The following TMEM38A variants were observed in gnomAD, a reference collection of about 807,000 sequenced individuals.
TMEM38A encodes transmembrane protein 38A.
In TMEM38A, 17 loss-of-function variants were observed where a neutral mutation model predicts 28.6. The observed-to-expected ratio is 0.60, with a 90% CI of 0.41 to 0.89. The LOEUF (loss-of-function observed/expected upper bound fraction) is 0.89, where lower values mean the gene tolerates loss of function less well. TMEM38A is among the 40% of genes least tolerant of loss of function. The pLI, the probability that TMEM38A is intolerant of heterozygous loss-of-function variation, is 0.00. For missense variants in TMEM38A, 328 were observed against 393.1 expected (o/e 0.83, Z 1.40); for synonymous variants, 169 against 166.1 (o/e 1.02, Z -0.14).
At chr19:16,677,094 A>G (rs2086755467) in intron 1 of TMEM38A, among the ~76,000 whole-genome samples, 1 of 144,798 alleles carries the variant, frequency 6.9e-6, no homozygotes, top group South Asian at 2.2e-4. Context: ...AAAAAAGCCC[A>G]GCTATAGGAC....
chr19:16,674,568 G>A (rs1599388132), intron 1 of TMEM38A, among the ~76,000 whole-genome samples: 1 of 152,000 alleles, frequency 6.6e-6, no homozygotes, highest in Non-Finnish European at 1.5e-5. Context: ...GGGAGGCTGA[G>A]GTGGGCAGAT....
chr19:16,679,892 C>T, intron 1 of TMEM38A, 92 bp from the exon 2 acceptor site: 1 of 1,394,866 alleles, frequency 7.2e-7, no homozygotes, highest in Non-Finnish European at 9.5e-7. Flanking sequence ...TGGGTGGGCG[C>T]TCTGGATTAG....
intron 1 of TMEM38A, among the ~76,000 whole-genome samples, chr19:16,672,125 CAT>C (rs1363731491): frequency 6.6e-6 from 1 of 152,182 alleles, no homozygotes; most frequent in East Asian, 1.9e-4. Flanking sequence ...ATTTTGGGCT[CAT>C]AACTCCAGGG....
chr19:16,686,683 A>C (rs1443526024), intron 5 of TMEM38A, among the ~76,000 whole-genome samples: 1 of 152,140 alleles, frequency 6.6e-6, no homozygotes, highest in Admixed American at 6.6e-5. Context: ...GACCAGAGGG[A>C]CAAGAAGCTG....
rs1317517587 is a variant in TMEM38A, at chr19:16,680,045, C to T, written c.186C>T (p.Cys62=). 3.7e-6 allele frequency: 6 copies of T among 1,611,266 alleles called. No individual in the cohort carries two copies. The highest frequency in any genetic ancestry group is 4.2e-6 in the Non-Finnish European group (5 of 1,180,022). ...IASWLCAMLH[C]FGSYILADLL... ...CCTGGCTGTGCGCCATGCTGCATTG[C>T]TTCGGGAGCTACATCCTGGCTGATC... Residue 62 remains cysteine, a synonymous_variant, in exon 2 of 6, where the codon TGC becomes TGT. Transcript: ENST00000187762.
chr19:16,680,590 G>A lies in TMEM38A; in HGVS notation c.466+9G>A, dbSNP rs761178110. Reference sequence around the variant, plus strand: ...AACTGGGTGGGTCAAAGGTAAATAGGATGATGACAATGAAAAATCATCCCA... The same window carrying A: ...AACTGGGTGGGTCAAAGGTAAATAGAATGATGACAATGAAAAATCATCCCA... On this transcript the variant is annotated intron_variant, in intron 3 of 5. Coordinates refer to ENST00000187762, the MANE Select transcript of TMEM38A (RefSeq NM_024074.4). 6.2e-7 allele frequency: 1 copy of A among 1,607,258 alleles called. No homozygotes were observed. Among genetic ancestry groups the A allele is most frequent in the East Asian group, 2.2e-5 (1 of 44,682 alleles).
chr19:16,680,768 A>T, intron 3 of TMEM38A, 187 bp downstream of exon 3: 2 of 599,240 alleles, frequency 3.3e-6, no homozygotes, highest in Non-Finnish European at 5.9e-6. Context: ...TTCTTCTAGA[A>T]ATGTTACTGT....
intron 1 of TMEM38A, among the ~76,000 whole-genome samples, chr19:16,677,123 G>A (rs559858960): frequency 4.0e-4 from 60 of 150,700 alleles, no homozygotes; most frequent in African/African-American, 1.1e-3. Context: ...TCAGCAATGG[G>A]GTTTTCAAGC....
chr19:16,662,720 G>A (rs139091492), intron 1 of TMEM38A, among the ~76,000 whole-genome samples: 155 of 151,866 alleles, frequency 1.0e-3, no homozygotes, highest in African/African-American at 3.5e-3. Flanking sequence ...CCAAAGTGCT[G>A]GGATTACAGA....
chr19:16,680,815 C>T lies in TMEM38A; in HGVS notation c.466+234C>T, dbSNP rs191423332. 1.3e-5 allele frequency: 7 copies of T among 521,142 alleles called. No homozygotes were observed. In the East Asian group the frequency reaches 2.3e-4, roughly 17 times the overall value. The allele number at this position is 521,142 out of a possible 1,614,324, so 32.3% of individuals were successfully genotyped here. A position where few individuals can be genotyped will look rare whatever the true frequency, so the allele number is the denominator to read the frequency against. On this transcript the variant is annotated intron_variant, in intron 3 of 5. Transcript: ENST00000187762. ...AAGACAGTGATGATGATGACAAAAG[C>T]CAGCATTGCCAGAGCAGGTTTTCTC...
In TMEM38A at chr19:16,682,522, T is replaced by C; in HGVS notation, c.554+14T>C. 6.2e-7 allele frequency: 1 copy of C among 1,612,292 alleles called. No individual in the cohort carries two copies. The highest frequency in any genetic ancestry group is 2.2e-5 in the East Asian group (1 of 44,866). On this transcript the variant is annotated intron_variant, in intron 4 of 5. Transcript: ENST00000187762. Reference sequence around the variant, plus strand: ...GCACATGTCTTTGTGAGTATCCCACTCCACCTCTCCCTCCATGCCTCCTGT... The same window carrying C: ...GCACATGTCTTTGTGAGTATCCCACCCCACCTCTCCCTCCATGCCTCCTGT...
chr19:16,680,172 C>G, intron 2 of TMEM38A, 32 bp downstream of exon 2: 1 of 1,595,890 alleles, frequency 6.3e-7, no homozygotes, highest in Non-Finnish European at 8.5e-7. Context: ...AGAGCAGAGC[C>G]GGGTGGGGGA....
At chr19:16,663,801 G>A (rs1351763840) in intron 1 of TMEM38A, among the ~76,000 whole-genome samples, 1 of 151,788 alleles carries the variant, frequency 6.6e-6, no homozygotes, top group African/African-American at 2.4e-5. Context: ...CTCCCAAAGT[G>A]CTGGGATTAC....
intron 1 of TMEM38A, among the ~76,000 whole-genome samples, chr19:16,676,335 G>A (rs934999398): frequency 5.3e-5 from 8 of 152,148 alleles, no homozygotes; most frequent in African/African-American, 1.9e-4. Flanking sequence ...CAGCCTGCGG[G>A]ACAGAGCGAG....
chr19:16,678,160 G>T (rs1568315403), intron 1 of TMEM38A, among the ~76,000 whole-genome samples: 1 of 152,188 alleles, frequency 6.6e-6, no homozygotes, highest in Non-Finnish European at 1.5e-5. Flanking sequence ...CCACTTGGCA[G>T]TGGCTCATGC....
intron 1 of TMEM38A, among the ~76,000 whole-genome samples, chr19:16,679,454 C>A (rs1412842834): frequency 1.3e-5 from 2 of 152,022 alleles, no homozygotes; most frequent in African/African-American, 4.8e-5. Flanking sequence ...CACTACCGTT[C>A]CCGGCTAATT....
chr19:16,679,961 G>T, intron 1 of TMEM38A, 23 bp from the exon 2 acceptor site: 6 of 1,575,022 alleles, frequency 3.8e-6, no homozygotes, highest in Non-Finnish European at 4.3e-6. Flanking sequence ...GGTGATGATG[G>T]GGGACACTCC....
intron 1 of TMEM38A, among the ~76,000 whole-genome samples, chr19:16,669,820 C>G (rs990489513): frequency 6.6e-6 from 1 of 152,124 alleles, no homozygotes; most frequent in South Asian, 2.1e-4. Context: ...TAGTACCACC[C>G]AGTCATCTGC....
chr19:16,680,537 A>G lies in TMEM38A; in HGVS notation c.422A>G (p.Tyr141Cys), dbSNP rs778097164. The change falls in exon 3 of 6, where the codon TAC becomes TGC. Residue 141 changes from tyrosine to cysteine, a missense_variant. Physicochemically the swap from Tyr to Cys is radical, Grantham distance 194. Transcript: ENST00000187762. ...GGCATCCATCACGCCCATCACCACT[A>G]CCACCACGGGTGGTTCGTCATGATT... is the stretch of plus-strand genomic sequence containing the variant. ...AVGIHHAHHH[Y>C]HHGWFVMIAT... is the part of the protein sequence containing the mutation. The G allele has an allele frequency of 3.4e-5, 55 of 1,614,006 alleles. No individual in the cohort carries two copies. The highest frequency in any genetic ancestry group is 4.5e-5 in the Non-Finnish European group (53 of 1,180,024).
Sources: allele counts gnomAD v4.1 joint callset (sites outside exome capture counted in the v4.1 genomes callset), GRCh38; gene constraint gnomAD v4.1.1; transcripts MANE v1.5; gene names NCBI Gene and HGNC (gene_info 2026-07-23, HGNC 2026-07-21).